ATP2B1: variants seen among roughly 807,000 people sequenced by gnomAD.
ATP2B1 encodes the protein ATPase plasma membrane Ca2+ transporting 1.
In ATP2B1, 14 loss-of-function variants were observed where a neutral mutation model predicts 124.2. That is an observed-to-expected ratio of 0.11 (90% CI 0.07 to 0.18). ATP2B1 has a LOEUF of 0.18. Among genes scored for constraint, ATP2B1 ranks in the 10% least tolerant of loss-of-function variants. ATP2B1 has a pLI of 1.00. For synonymous variants in ATP2B1, 449 were observed against 492.4 expected, an observed-to-expected ratio of 0.91 and a Z score of 1.17; for missense variants, 763 against 1,466.1, an observed-to-expected ratio of 0.52 and a Z score of 7.83.
intron 1 of ATP2B1, among the ~76,000 whole-genome samples, chr12:89,695,042 G>A (rs1890972669): frequency 2.0e-5 from 2 of 100,286 alleles, no homozygotes; most frequent in Admixed American, 1.3e-4. Flanking sequence ...TGGGCGACAA[G>A]AGCAAGATGC....
chr12:89,639,565 T>G (rs1445206458), intron 3 of ATP2B1, among the ~76,000 whole-genome samples: 1 of 149,306 alleles, frequency 6.7e-6, no homozygotes, highest in East Asian at 1.9e-4. Flanking sequence ...ATACATATTT[T>G]ATTTTATATA....
At chr12:89,684,103 G>A (rs1889681442) in intron 1 of ATP2B1, among the ~76,000 whole-genome samples, 1 of 152,100 alleles carries the variant, frequency 6.6e-6, no homozygotes, top group Non-Finnish European at 1.5e-5. Flanking sequence ...TACTTTCTGT[G>A]TAAGAAAGAA....
At chr12:89,661,489 T>C (rs1303866101) in intron 1 of ATP2B1, among the ~76,000 whole-genome samples, 1 of 152,074 alleles carries the variant, frequency 6.6e-6, no homozygotes, top group African/African-American at 2.4e-5. Context: ...ACTTATAAAA[T>C]AAAGCAAGTA....
chr12:89,643,501 T>C (rs1883974128), intron 2 of ATP2B1, among the ~76,000 whole-genome samples: 2 of 152,180 alleles, frequency 1.3e-5, no homozygotes, highest in Non-Finnish European at 2.9e-5. Flanking sequence ...CTATTGAATG[T>C]ACCTATTGTC....
Position 89,624,360 on chromosome 12 carries a change from T to A in ATP2B1, c.1167A>T (p.Val389=). 1.2e-6 allele frequency: 2 copies of A among 1,613,984 alleles called. No individual in the cohort carries two copies. The highest frequency in any genetic ancestry group is 2.2e-5 in the South Asian group (2 of 91,074). ...AGAAGGTGTCAATGACAAAATATAA[T>A]ACTAGAATGATAACTGTGATGGCAG... is the stretch of plus-strand genomic sequence containing the variant. ...LMSAITVIIL[V]LYFVIDTFWV... The change falls in exon 9 of 21, where the codon GTA becomes GTT. Residue 389 remains valine, a synonymous_variant. Coordinates refer to ENST00000428670, the MANE Select transcript of ATP2B1 (RefSeq NM_001366521.1).
Position 89,603,236 on chromosome 12 carries a change from A to G in ATP2B1, c.2867T>C (p.Ile956Thr). Residue 956 changes from isoleucine (I) to threonine (T), a missense_variant, in exon 18 of 21, where the codon ATT becomes ACT. By Grantham distance (89) the Ile-to-Thr change is moderately conservative. Transcript: ENST00000428670. The surrounding 1 kb of genome is among the most constrained non-coding windows in gnomAD (Gnocchi z 4.3). ...CAAAGGAGCATTTCTTCCACTATCA[A>G]TGTCAAAAAACTTTTCTCCTGAAAG... ...LLFAGEKFFD[I>T]DSGRNAPLHA... 2 of 1,603,734 alleles carry G rather than the reference A, an allele frequency of 1.2e-6. No homozygotes were observed. The highest frequency in any genetic ancestry group is 1.7e-6 in the Non-Finnish European group (2 of 1,175,738).
rs1486825281 is a variant in ATP2B1, at chr12:89,604,218, C to A, written c.2571G>T (p.Gln857His). ...CTACTACATTAACAGTAAGTTGGAA[C>A]TGAAGGAATTTTGAGATGCTGTCAT... ...NVYDSISKFL[Q>H]FQLTVNVVAV... The change falls in exon 16 of 21, where the codon CAG becomes CAT. Residue 857 changes from glutamine to histidine, a missense_variant. Gln to His is a conservative substitution (Grantham distance 24, BLOSUM62 0). Transcript: ENST00000428670. The A allele has an allele frequency of 3.1e-6, 5 of 1,614,042 alleles. No homozygotes were observed. Among genetic ancestry groups the A allele is most frequent in the African/African-American group, 1.3e-5 (1 of 75,050 alleles).
chr12:89,694,732 T>C (rs570990302), intron 1 of ATP2B1, among the ~76,000 whole-genome samples: 1 of 152,148 alleles, frequency 6.6e-6, no homozygotes, highest in East Asian at 1.9e-4. Flanking sequence ...CAAATGTAAT[T>C]GTGACAGAAG....
intron 11 of ATP2B1, 58 bp downstream of exon 11, chr12:89,619,941 G>C (rs1418433945): frequency 6.3e-7 from 1 of 1,588,500 alleles, no homozygotes; most frequent in African/African-American, 1.3e-5. Flanking sequence ...CAACACAGTA[G>C]ATACTCCATA....
At chr12:89,702,630 C>T (rs780017564) in intron 1 of ATP2B1, among the ~76,000 whole-genome samples, 2 of 152,062 alleles carry the variant, frequency 1.3e-5, no homozygotes, top group Non-Finnish European at 2.9e-5. Context: ...AATTTGACTC[C>T]TAAATTTATC....
At chr12:89,624,073 A>G (rs1880443459) in intron 9 of ATP2B1, 110 bp downstream of exon 9, 3 of 912,538 alleles carry the variant, frequency 3.3e-6, no homozygotes, top group South Asian at 1.8e-5. Flanking sequence ...GTGTACATTT[A>G]TATGAAAGTC....
intron 1 of ATP2B1, among the ~76,000 whole-genome samples, chr12:89,676,837 AAAG>A (rs1888668499): frequency 6.6e-6 from 1 of 152,170 alleles, no homozygotes. Context: ...CTCATTGTTA[AAAG>A]AATAATTCCC....
At chr12:89,623,557 G>T (rs959018190) in intron 9 of ATP2B1, among the ~76,000 whole-genome samples, 2 of 152,210 alleles carry the variant, frequency 1.3e-5, no homozygotes, top group African/African-American at 4.8e-5. Flanking sequence ...GACATTTGAA[G>T]AGACCTGAAT....
intron 1 of ATP2B1, among the ~76,000 whole-genome samples, chr12:89,666,018 A>G (rs1406570350): frequency 6.6e-6 from 1 of 152,240 alleles, no homozygotes; most frequent in East Asian, 1.9e-4. Context: ...TAAGGGAAGA[A>G]GGCACTTTCC....
At chr12:89,652,779 C>A (rs1332521794) in intron 2 of ATP2B1, among the ~76,000 whole-genome samples, 1 of 152,134 alleles carries the variant, frequency 6.6e-6, no homozygotes, top group Non-Finnish European at 1.5e-5. Context: ...CCTCTGTTAC[C>A]CAGGCTGAGG....
intron 1 of ATP2B1, among the ~76,000 whole-genome samples, chr12:89,694,000 G>A (rs1273749913): frequency 1.3e-5 from 2 of 152,112 alleles, no homozygotes; most frequent in African/African-American, 2.4e-5. Context: ...TAGCATTCCA[G>A]ATAGCGATTA....
At chr12:89,694,490 C>T (rs1176709113) in intron 1 of ATP2B1, among the ~76,000 whole-genome samples, 2 of 152,096 alleles carry the variant, frequency 1.3e-5, no homozygotes, top group Non-Finnish European at 2.9e-5. Context: ...ATTGAAGGGG[C>T]ATGGCCAAAG....
intron 15 of ATP2B1, among the ~76,000 whole-genome samples, chr12:89,605,882 A>G (rs1335977432): frequency 6.6e-6 from 1 of 152,352 alleles, no homozygotes; most frequent in Non-Finnish European, 1.5e-5. Flanking sequence ...AAAATTGGTA[A>G]GAGTGCTAAA....
intron 1 of ATP2B1, among the ~76,000 whole-genome samples, chr12:89,703,524 T>C (rs1190110576): frequency 6.6e-6 from 1 of 152,176 alleles, no homozygotes; most frequent in East Asian, 1.9e-4. Context: ...TCTTTTCTTC[T>C]AACAAAGAGC....
Sources: allele counts gnomAD v4.1 joint callset (sites outside exome capture counted in the v4.1 genomes callset), GRCh38; gene constraint gnomAD v4.1.1; non-coding constraint Gnocchi (gnomAD v3.1); transcripts MANE v1.5; gene names NCBI Gene and HGNC (gene_info 2026-07-23, HGNC 2026-07-21).